The following IL13RA1 variants were observed in gnomAD, a reference collection of about 807,000 sequenced individuals.
The protein encoded by IL13RA1 is interleukin-13 receptor subunit alpha-1.
In IL13RA1, 14 loss-of-function variants were observed where a neutral mutation model predicts 33.8. The observed-to-expected ratio is 0.41, with a 90% confidence interval of 0.27 to 0.65. The LOEUF is 0.65. Among genes scored for constraint, IL13RA1 ranks in the 30% least tolerant of loss-of-function variants. The pLI, the probability that IL13RA1 is intolerant of heterozygous loss-of-function variation, is 0.28. For missense variants in IL13RA1, 313 were observed against 327.0 expected (o/e 0.96, Z 0.33); for synonymous variants, 116 against 115.7 (o/e 1.00, Z -0.02).
chrX:118,736,807 G>A (rs745921654), intron 1 of IL13RA1, among the ~76,000 whole-genome samples: 10 of 112,199 alleles, frequency 8.9e-5, no homozygotes, highest in African/African-American at 3.2e-4. Context: ...TTGTTTTGGT[G>A]GAGATGGGAT....
chrX:118,761,400 A>G (rs1171196045), intron 6 of IL13RA1, 111 bp downstream of exon 6: 3 of 391,019 alleles, frequency 7.7e-6, no homozygotes, highest in Non-Finnish European at 1.3e-5. Flanking sequence ...TATGATGATG[A>G]TGGTAATGAA....
chrX:118,739,128 G>A lies in IL13RA1; in HGVS notation c.89-1889G>A, dbSNP rs770250126. On this transcript the variant is annotated intron_variant, in intron 1 of 10. Transcript: ENST00000371666. Reference sequence around the variant, plus strand: ...GAGAAATCTCTAAAGTGCTTTCCACGGTGGTGGAACCAGTTTGCATTTCCA... The same window carrying A: ...GAGAAATCTCTAAAGTGCTTTCCACAGTGGTGGAACCAGTTTGCATTTCCA... Among the ~76,000 whole-genome samples the A allele has an allele frequency of 6.2e-4, 69 of 111,939 alleles. 1 individual carries two copies. The highest frequency in any genetic ancestry group is 5.1e-3 in the East Asian group (18 of 3,556).
At chrX:118,747,369 TCACACA>T (rs927667124) in intron 3 of IL13RA1, among the ~76,000 whole-genome samples, 2 of 107,603 alleles carry the variant, frequency 1.9e-5, no homozygotes, top group Admixed American at 1.0e-4. Context: ...ACACACACAC[TCACACA>T]CACACACACG....
At chrX:118,774,175 A>T (rs1603219404) in intron 9 of IL13RA1, among the ~76,000 whole-genome samples, 200 bp downstream of exon 9, 1 of 98,000 alleles carries the variant, frequency 1.0e-5, no homozygotes, top group South Asian at 4.7e-4. Flanking sequence ...TTTTCCTGAG[A>T]TGGAGTCTCT....
chrX:118,764,186 C>G (rs1603216294), intron 6 of IL13RA1, among the ~76,000 whole-genome samples: 1 of 76,455 alleles, frequency 1.3e-5, no homozygotes, highest in Non-Finnish European at 2.4e-5. Context: ...CCCCACCCCC[C>G]ACCCCCACCT....
At chrX:118,797,462 G>A (rs143133136), downstream of IL13RA1, among the ~76,000 whole-genome samples, 242 of 111,772 alleles carry the variant, frequency 2.2e-3, 1 homozygote, top group Middle Eastern at 0.019. Flanking sequence ...TAATATGCAT[G>A]TATGATACTT....
At chrX:118,768,129 CAG>C (rs1428852059) in intron 8 of IL13RA1, among the ~76,000 whole-genome samples, 2 of 112,075 alleles carry the variant, frequency 1.8e-5, no homozygotes, top group Non-Finnish European at 3.8e-5. Flanking sequence ...AGGGGCAACA[CAG>C]AACCAACTTA....
At chrX:118,742,144 C>A (rs1405030782) in intron 2 of IL13RA1, among the ~76,000 whole-genome samples, 1 of 112,044 alleles carries the variant, frequency 8.9e-6, no homozygotes, top group Non-Finnish European at 1.9e-5. Flanking sequence ...CATGCTCTTC[C>A]TCTGGAGGGA....
rs1556363018 is a variant in IL13RA1, at chrX:118,748,361, G to GGAA, written c.367+1269_367+1270insGAA. Among the ~76,000 whole-genome samples the GGAA allele has an allele frequency of 3.6e-3, 185 of 50,996 alleles. 4 individuals carry two copies. Among genetic ancestry groups the GGAA allele is most frequent in the South Asian group, 0.015 (16 of 1,075 alleles). The allele number at this position is 50,996 out of a possible 115,157, so 44.3% of individuals were successfully genotyped here. On this transcript the variant is annotated intron_variant, in intron 3 of 10. Coordinates refer to ENST00000371666, the MANE Select transcript of IL13RA1 (RefSeq NM_001560.3). ...TATTCTCCTTTCCTTAGGAGTTAAC[G>GGAA]AAAAAAAAAAAAAAAAAAACGGCTA...
intron 10 of IL13RA1, among the ~76,000 whole-genome samples, chrX:118,785,597 G>A (rs2017907575): frequency 9.0e-6 from 1 of 111,301 alleles, no homozygotes; most frequent in Admixed American, 9.5e-5. Context: ...TTGAGATGGA[G>A]TCTCACTCCA....
chrX:118,798,878 G>A (rs1420786813), downstream of IL13RA1, among the ~76,000 whole-genome samples: 4 of 112,670 alleles, frequency 3.6e-5, no homozygotes, highest in South Asian at 7.3e-4. Context: ...CCTTCGGCCC[G>A]CCGCTGCACT....
At chrX:118,799,462 G>C (rs1009773645), downstream of IL13RA1, among the ~76,000 whole-genome samples, 2 of 112,921 alleles carry the variant, frequency 1.8e-5, no homozygotes, top group Non-Finnish European at 3.7e-5. Flanking sequence ...TGTAGCTCAG[G>C]GATTGTAAAT....
chrX:118,737,293 A>G (rs560829686), intron 1 of IL13RA1, among the ~76,000 whole-genome samples: 2 of 112,771 alleles, frequency 1.8e-5, no homozygotes, highest in East Asian at 2.8e-4. Flanking sequence ...AAAAGCTGAC[A>G]TTGATTGAAA....
the IL13RA1 span, among the ~76,000 whole-genome samples, chrX:118,803,961 TC>T: frequency 5.4e-5 from 5 of 93,317 alleles, no homozygotes; most frequent in African/African-American, 3.8e-5. Flanking sequence ...TTTCTTTCTT[TC>T]TTTTTTTTTT....
chrX:118,777,126 T>C, intron 10 of IL13RA1, among the ~76,000 whole-genome samples: 1 of 109,424 alleles, frequency 9.1e-6, no homozygotes. Context: ...ACTGTGGCTG[T>C]TAAACAATAA....
intron 4 of IL13RA1, among the ~76,000 whole-genome samples, chrX:118,754,937 C>CT (rs66888164): frequency 0.07 from 6,512 of 92,588 alleles, 259 homozygotes; most frequent in South Asian, 0.11. Context: ...CGGAGTCTTT[C>CT]TTTTTTTTTT....
chrX:118,762,235 G>A lies in IL13RA1; in HGVS notation c.828+946G>A, dbSNP rs994646411. On this transcript the variant is annotated intron_variant, in intron 6 of 10. Coordinates refer to ENST00000371666, the MANE Select transcript of IL13RA1 (RefSeq NM_001560.3). The stretch of plus-strand genomic sequence containing the variant: ...ACTTTTTTGTGTGGAACACAAAGTC[G>A]TGTTTTGTTTGTTTGTTTGTTTACT... Among the ~76,000 whole-genome samples the A allele has an allele frequency of 7.1e-5, 8 of 112,579 alleles. No individual in the cohort carries two copies. In the East Asian group the frequency reaches 1.7e-3, roughly 24 times the overall value.
chrX:118,767,279 G>A (rs1447328588), intron 8 of IL13RA1, among the ~76,000 whole-genome samples: 1 of 111,874 alleles, frequency 8.9e-6, no homozygotes, highest in Non-Finnish European at 1.9e-5. Context: ...AGTGACTCAC[G>A]CCTGTGATCC....
the IL13RA1 span, among the ~76,000 whole-genome samples, chrX:118,802,621 T>C: frequency 1.3e-3 from 142 of 112,206 alleles, no homozygotes; most frequent in Non-Finnish European, 2.1e-3. Context: ...AGGGCTCCTT[T>C]AGGTCTAACA....
Sources: gnomAD v4.1 joint callset for allele counts (sites outside exome capture counted in the v4.1 genomes callset) on GRCh38, gnomAD v4.1.1 for gene constraint, MANE v1.5 for transcripts, NCBI Gene and HGNC (gene_info 2026-07-23, HGNC 2026-07-21) for gene names.